INTS6: variants seen among roughly 807,000 people sequenced by gnomAD.
INTS6 encodes the protein integrator complex subunit 6.
A neutral mutation model predicts 104.9 loss-of-function variants in INTS6; 16 were observed. That is an observed-to-expected ratio of 0.15 (90% CI 0.10 to 0.23). The LOEUF (loss-of-function observed/expected upper bound fraction) is 0.23. Ranked by LOEUF, INTS6 falls within the 10% of genes least tolerant of loss-of-function variation. The pLI, the probability that INTS6 is intolerant of heterozygous loss-of-function variation, is 1.00. For synonymous variants in INTS6, 324 were observed against 358.7 expected, an observed-to-expected ratio of 0.90 and a Z score of 1.09; for missense variants, 584 against 1,062.8, an observed-to-expected ratio of 0.55 and a Z score of 6.26.
chr13:51,334,695 C>T, the INTS6 span, among the ~76,000 whole-genome samples: 3,809 of 152,118 alleles, frequency 0.025, 61 homozygotes, highest in South Asian at 0.057. Context: ...AATAAGACAT[C>T]TTTTGGCCAG....
chr13:51,339,574 A>T, the INTS6 span: 2 of 152,162 alleles, frequency 1.3e-5, no homozygotes, highest in African/African-American at 4.8e-5. Flanking sequence ...ATTTGGACCG[A>T]GTGGTAGAGA....
chr13:51,366,300 A>C (rs1397782503), intron 17 of INTS6, among the ~76,000 whole-genome samples: 1 of 151,980 alleles, frequency 6.6e-6, no homozygotes, highest in Non-Finnish European at 1.5e-5. Flanking sequence ...AGAAGAAATG[A>C]AAATTGGTCA....
downstream of INTS6, among the ~76,000 whole-genome samples, chr13:51,353,745 T>A (rs1177262453): frequency 6.6e-6 from 1 of 152,202 alleles, no homozygotes; most frequent in Non-Finnish European, 1.5e-5. Flanking sequence ...TACTTTTGTT[T>A]AAAGTATGAG....
intron 11 of INTS6, 66 bp downstream of exon 11, chr13:51,379,396 C>A (rs1956002697): frequency 1.3e-6 from 1 of 780,710 alleles, no homozygotes; most frequent in Non-Finnish European, 2.0e-6. Flanking sequence ...AGCTTTTAAC[C>A]TGTTTAACCA....
rs1197860266 is a variant in INTS6 at position 51,396,507 on chromosome 13, G to C, written c.430-1024C>G. ...CCAACAGAGTAACAGTGTACAAACA[G>C]AATCCACATATTCATCTCAGTATCA... On this transcript the variant is annotated intron_variant, in intron 4 of 17. Coordinates refer to ENST00000311234, the MANE Select transcript of INTS6 (RefSeq NM_012141.3). Among the ~76,000 whole-genome samples the C allele has an allele frequency of 2.0e-5, 3 of 152,250 alleles. No homozygotes were observed. In the East Asian group the frequency reaches 5.8e-4, roughly 29 times the overall value.
chr13:51,411,224 A>AATAAATAAATAC (rs1451280046), intron 4 of INTS6, among the ~76,000 whole-genome samples: 3 of 48,756 alleles, frequency 6.2e-5, no homozygotes, highest in Non-Finnish European at 7.0e-5. Context: ...AAAATAAATA[A>AATAAATAAATAC]ATAAATAAAT....
At chr13:51,356,222 C>T (rs973151967) in intron 3 of INTS6, among the ~76,000 whole-genome samples, 1 of 152,058 alleles carries the variant, frequency 6.6e-6, no homozygotes, top group Non-Finnish European at 1.5e-5. Flanking sequence ...GTGTCCACAA[C>T]GATGCTTGGC....
At chr13:51,446,815 T>C (rs926869619) in intron 3 of INTS6, 5 of 152,226 alleles carry the variant, frequency 3.3e-5, no homozygotes, top group African/African-American at 1.2e-4. Flanking sequence ...AGGCAAATAC[T>C]GTATGATTTC....
At chr13:51,406,419 G>A (rs578045471) in intron 4 of INTS6, among the ~76,000 whole-genome samples, 1 of 97,316 alleles carries the variant, frequency 1.0e-5, no homozygotes, top group African/African-American at 4.8e-5. Flanking sequence ...ATCATTTATC[G>A]AATAATGGAT....
At chr13:51,436,168 C>A (rs1470630014) in intron 3 of INTS6, among the ~76,000 whole-genome samples, 1 of 151,982 alleles carries the variant, frequency 6.6e-6, no homozygotes, top group Admixed American at 6.5e-5. Context: ...ATGGTTGCCT[C>A]CATAGAAAGG....
intron 12 of INTS6, among the ~76,000 whole-genome samples, chr13:51,377,130 G>A (rs1955948901): frequency 6.6e-6 from 1 of 152,032 alleles, no homozygotes; most frequent in Non-Finnish European, 1.5e-5. Context: ...TTTCCCTAAT[G>A]GCTGATAAGG....
intron 4 of INTS6, among the ~76,000 whole-genome samples, chr13:51,420,225 A>T (rs1385518857): frequency 7.0e-6 from 1 of 142,352 alleles, no homozygotes; most frequent in African/African-American, 2.8e-5. Context: ...TTAACATAAT[A>T]ATATTAATGC....
At position 51,382,324 on chromosome 13, in the gene INTS6, T is replaced by C. The variant is rs1163366371; in HGVS notation, c.1181-201A>G. Among the ~76,000 whole-genome samples the C allele has an allele frequency of 3.3e-5, 5 of 152,242 alleles. No homozygotes were observed. The South Asian group carries it at 6.2e-4, about 19-fold the overall frequency. ...ATGCCAATTATGGTCTAAAAGTACA[T>C]GCAGGAATTAAGTTAGAATCAGAAA... On this transcript the variant is annotated intron_variant, in intron 9 of 17. Coordinates refer to ENST00000311234, the MANE Select transcript of INTS6 (RefSeq NM_012141.3).
At position 51,383,886 on chromosome 13, in the gene INTS6, A is replaced by C. The variant is rs575339566; in HGVS notation, c.895-145T>G. 53 of 516,662 alleles carry C rather than the reference A, an allele frequency of 1.0e-4. 1 individual carries two copies. The South Asian group carries it at 2.3e-3, about 22-fold the overall frequency. 32.0% of individuals were successfully genotyped at this position (516,662 alleles called of 1,614,324 possible). Reference sequence around the variant, plus strand: ...CTAAAAGCAACATTAAGCTGAAAGGAAACACTTGAAAATGTAATGCTAAAG... The same window carrying C: ...CTAAAAGCAACATTAAGCTGAAAGGCAACACTTGAAAATGTAATGCTAAAG... On this transcript the variant is annotated intron_variant, in intron 7 of 17. Coordinates refer to ENST00000311234, the MANE Select transcript of INTS6 (RefSeq NM_012141.3).
chr13:51,356,354 T>C (rs946801608), intron 3 of INTS6, among the ~76,000 whole-genome samples: 4 of 151,924 alleles, frequency 2.6e-5, no homozygotes, highest in Non-Finnish European at 5.9e-5. Flanking sequence ...AGTGAAAAGA[T>C]TGGAGGGCAA....
intron 3 of INTS6, chr13:51,438,737 ACATT>A (rs1314078958): frequency 1.3e-5 from 2 of 152,252 alleles, no homozygotes; most frequent in Non-Finnish European, 2.9e-5. Context: ...TCAAAATTTT[ACATT>A]CATTATTTCA....
Position 51,389,459 on chromosome 13 carries a change from A to C in INTS6, c.614-15T>G. 7.0e-7 allele frequency: 1 copy of C among 1,428,216 alleles called. No individual in the cohort carries two copies. The highest frequency in any genetic ancestry group is 9.4e-7 in the Non-Finnish European group (1 of 1,069,212). 88.5% of individuals were successfully genotyped at this position (1,428,216 alleles called of 1,614,324 possible). A position where few individuals can be genotyped will look rare whatever the true frequency, so the allele number is the denominator to read the frequency against. On this transcript the variant is annotated splice_polypyrimidine_tract_variant and intron_variant, in intron 5 of 17. Coordinates refer to ENST00000311234, the MANE Select transcript of INTS6 (RefSeq NM_012141.3). ...ATATGAACGGCCTGAGATTAAAAAA[A>C]AGAAGAAGAAGAAGAAGAAGAATAT... is the stretch of plus-strand genomic sequence containing the variant.
the INTS6 span, among the ~76,000 whole-genome samples, chr13:51,342,623 TCTA>T: frequency 5.2e-4 from 79 of 152,254 alleles, no homozygotes; most frequent in East Asian, 0.012. Context: ...GCCAACTTAC[TCTA>T]CTATTTTAAT....
rs1955588854 is a variant in INTS6, at chr13:51,362,053, G to A, written c.*3699C>T. On this transcript the variant is annotated 3_prime_UTR_variant, in exon 18 of 18. Coordinates refer to ENST00000311234, the MANE Select transcript of INTS6 (RefSeq NM_012141.3). ...GTTGCTATCTTCTATCCTAAGAAAG[G>A]GGACTATTTCGTAAGTACAAAGGAA... 1 of 1,577,806 alleles carries A rather than the reference G, an allele frequency of 6.3e-7. No individual in the cohort carries two copies. The highest frequency in any genetic ancestry group is 8.6e-7 in the Non-Finnish European group (1 of 1,169,382).
Sources: allele counts gnomAD v4.1 joint callset (sites outside exome capture counted in the v4.1 genomes callset), GRCh38; gene constraint gnomAD v4.1.1; transcripts MANE v1.5; gene names NCBI Gene and HGNC (gene_info 2026-07-23, HGNC 2026-07-21).